Variants in CDH13 observed in about 807,000 individuals in gnomAD.
CDH13 encodes cadherin 13.
CDH13 carries 24 observed loss-of-function variants against 63.8 expected under a neutral mutation model. That is an observed-to-expected ratio of 0.38 (90% CI 0.27 to 0.53). The LOEUF (loss-of-function observed/expected upper bound fraction) is 0.53. Among genes scored for constraint, CDH13 ranks in the 20% least tolerant of loss-of-function variants. CDH13 has a pLI of 0.85. For missense variants in CDH13, 1,049 were observed against 903.1 expected, an observed-to-expected ratio of 1.16 and a Z score of -2.07; for synonymous variants, 503 against 355.3, an observed-to-expected ratio of 1.42 and a Z score of -4.67.
intron 12 of CDH13, among the ~76,000 whole-genome samples, chr16:83,781,109 C>T (rs542702377): frequency 6.6e-6 from 1 of 152,270 alleles, no homozygotes; most frequent in African/African-American, 2.4e-5. Context: ...CTTCTTTCTC[C>T]TTTATAAAAC....
intron 3 of CDH13, among the ~76,000 whole-genome samples, chr16:83,120,112 A>G (rs75189806): frequency 1.3e-5 from 2 of 150,966 alleles, no homozygotes; most frequent in South Asian, 4.2e-4. Context: ...TCTACAATCA[A>G]TACCTCCAGC....
chr16:83,068,771 G>A (rs960874409), intron 3 of CDH13, among the ~76,000 whole-genome samples: 1 of 152,150 alleles, frequency 6.6e-6, no homozygotes, highest in African/African-American at 2.4e-5. Flanking sequence ...TTTTAAGTCT[G>A]CAAGTTCATG....
At chr16:82,855,925 G>A (rs1440961065) in intron 1 of CDH13, among the ~76,000 whole-genome samples, 1 of 152,282 alleles carries the variant, frequency 6.6e-6, no homozygotes, top group South Asian at 2.1e-4. Context: ...ACTGCTTTGA[G>A]TTCTCTGGTG....
intron 1 of CDH13, among the ~76,000 whole-genome samples, chr16:82,854,540 G>A (rs1310892217): frequency 6.6e-6 from 1 of 152,018 alleles, no homozygotes; most frequent in East Asian, 1.9e-4. Flanking sequence ...ATGCAGTTTT[G>A]TAATTTCAGT....
chr16:83,467,807 C>A (rs1312853351), intron 6 of CDH13, among the ~76,000 whole-genome samples: 2 of 152,174 alleles, frequency 1.3e-5, no homozygotes, highest in Admixed American at 6.5e-5. Context: ...TCCCACTAAC[C>A]AAACAAGGAC....
At chr16:83,496,202 G>C (rs2074139636) in intron 7 of CDH13, among the ~76,000 whole-genome samples, 1 of 151,794 alleles carries the variant, frequency 6.6e-6, no homozygotes, top group East Asian at 1.9e-4. Context: ...GCATCGCCAA[G>C]TCAATCCTAA....
chr16:83,041,502 C>A (rs1281349912), intron 3 of CDH13, among the ~76,000 whole-genome samples: 1 of 151,956 alleles, frequency 6.6e-6, no homozygotes, highest in Non-Finnish European at 1.5e-5. Flanking sequence ...TCGTCAATTG[C>A]CCAAAAGCCA....
chr16:83,024,797 C>T (rs1002396109), intron 2 of CDH13, among the ~76,000 whole-genome samples: 11 of 152,308 alleles, frequency 7.2e-5, no homozygotes, highest in Non-Finnish European at 1.3e-4. Context: ...TTTGTTGATT[C>T]TATTTTGAGC....
chr16:82,817,107 A>G (rs2037756416), intron 1 of CDH13, among the ~76,000 whole-genome samples: 1 of 152,068 alleles, frequency 6.6e-6, no homozygotes, highest in Non-Finnish European at 1.5e-5. Flanking sequence ...CAACACAGAG[A>G]ACCCTGAAGT....
chr16:83,615,819 G>A (rs1049044946), intron 8 of CDH13, among the ~76,000 whole-genome samples: 4 of 152,150 alleles, frequency 2.6e-5, no homozygotes, highest in African/African-American at 9.7e-5. Flanking sequence ...ACTGCAAATT[G>A]CATTCCCAAC....
chr16:83,288,249 C>T (rs1043964404), intron 5 of CDH13, among the ~76,000 whole-genome samples: 7 of 152,194 alleles, frequency 4.6e-5, no homozygotes, highest in Non-Finnish European at 1.0e-4. Context: ...TCACTCTTAG[C>T]GCCTGTCCTT....
At chr16:82,743,619 C>G (rs1408880481) in intron 1 of CDH13, among the ~76,000 whole-genome samples, 2 of 152,114 alleles carry the variant, frequency 1.3e-5, no homozygotes, top group Non-Finnish European at 2.9e-5. Flanking sequence ...AATAGACATA[C>G]CTTTCATGTA....
intron 2 of CDH13, among the ~76,000 whole-genome samples, chr16:82,891,695 A>G (rs2151222906): frequency 1.3e-5 from 2 of 152,304 alleles, no homozygotes; most frequent in African/African-American, 4.8e-5. Flanking sequence ...TGAGCAGACC[A>G]TAGGTTATAC....
At chr16:82,702,818 C>CT (rs2031159108) in intron 1 of CDH13, among the ~76,000 whole-genome samples, 1 of 152,182 alleles carries the variant, frequency 6.6e-6, no homozygotes, top group South Asian at 2.1e-4. Flanking sequence ...GTTCAGCTCC[C>CT]TGGTGCCTCA....
intron 10 of CDH13, among the ~76,000 whole-genome samples, chr16:83,693,072 G>C (rs1905062389): frequency 2.0e-5 from 3 of 152,164 alleles, no homozygotes; most frequent in Admixed American, 2.0e-4. Context: ...AACCGAGTGA[G>C]ACTCCATCTC....
intron 4 of CDH13, among the ~76,000 whole-genome samples, chr16:83,172,397 G>A (rs758321363): frequency 1.3e-5 from 2 of 151,908 alleles, no homozygotes; most frequent in African/African-American, 4.8e-5. Context: ...AGGCTGATAC[G>A]CAAGAATTGC....
intron 2 of CDH13, among the ~76,000 whole-genome samples, chr16:83,020,654 G>T (rs1021481597): frequency 1.3e-5 from 2 of 152,180 alleles, no homozygotes; most frequent in Non-Finnish European, 2.9e-5. Context: ...CTGAACTATG[G>T]ATCCATGGGG....
intron 8 of CDH13, among the ~76,000 whole-genome samples, chr16:83,625,523 G>A (rs1172315697): frequency 1.3e-5 from 2 of 152,170 alleles, no homozygotes; most frequent in Non-Finnish European, 2.9e-5. Context: ...CCCCATGACA[G>A]GGCTGTCTGC....
chr16:83,503,634 G>C (rs2074333192), intron 7 of CDH13, among the ~76,000 whole-genome samples: 1 of 152,160 alleles, frequency 6.6e-6, no homozygotes, highest in Non-Finnish European at 1.5e-5. Flanking sequence ...AATAGGAAAA[G>C]ATGCTTGACC....
Sources: gnomAD v4.1 joint callset for allele counts (sites outside exome capture counted in the v4.1 genomes callset) on GRCh38, gnomAD v4.1.1 for gene constraint, MANE v1.5 for transcripts, NCBI Gene and HGNC (gene_info 2026-07-23, HGNC 2026-07-21) for gene names.